The following NWD1 variants were observed in gnomAD, a reference collection of about 807,000 sequenced individuals.
NWD1 encodes the protein NACHT domain- and WD repeat-containing protein 1.
In NWD1, 129 loss-of-function variants were observed where a neutral mutation model predicts 135.1. The ratio of observed to expected loss-of-function variants is 0.96; its 90% CI spans 0.83 to 1.11. The LOEUF is 1.11. Ranked by LOEUF, NWD1 falls within the 50% of genes least tolerant of loss-of-function variation. NWD1 has a pLI of 0.00. For synonymous variants in NWD1, 773 were observed against 786.0 expected (o/e 0.98, Z 0.28); for missense variants, 1,740 against 1,851.3 (o/e 0.94, Z 1.10).
At chr19:16,754,613 T>A (rs1968714639) in intron 6 of NWD1, among the ~76,000 whole-genome samples, 1 of 150,778 alleles carries the variant, frequency 6.6e-6, no homozygotes, top group African/African-American at 2.4e-5. Context: ...CTTCCTTTTA[T>A]CCATCATCTC....
chr19:16,783,115 T>A (rs1326738054), intron 12 of NWD1, among the ~76,000 whole-genome samples: 2 of 151,650 alleles, frequency 1.3e-5, no homozygotes, highest in Non-Finnish European at 2.9e-5. Context: ...CACTACAATC[T>A]TGACATCCCA....
At chr19:16,726,136 AT>A (rs1967319889) in intron 2 of NWD1, among the ~76,000 whole-genome samples, 1 of 151,412 alleles carries the variant, frequency 6.6e-6, no homozygotes, top group Admixed American at 6.6e-5. Context: ...CTAATTTTGT[AT>A]TTTTAGAAGA....
rs770337959 is a variant in NWD1, at chr19:16,807,923, GGACTACCGCGTGGTCTACAGCAT to G, written c.4078_4100del (p.Tyr1360GlnfsTer41). On this transcript the variant is annotated frameshift_variant, in exon 18 of 19. Coordinates refer to ENST00000524140, the MANE Select transcript of NWD1 (RefSeq NM_001007525.5). LOFTEE classifies it high-confidence loss of function. ...CCCTCTCCAGCGTGGCCATTCTGAC[GGACTACCGCGTGGTCTACAGCAT>G]GACCAATGGGGACCTCTTTCTTTAC... The G allele has an allele frequency of 2.5e-6, 4 of 1,613,978 alleles. No individual in the cohort carries two copies. The highest frequency in any genetic ancestry group is 3.4e-6 in the Non-Finnish European group (4 of 1,180,024).
chr19:16,788,704 G>A (rs1424509285), intron 12 of NWD1, among the ~76,000 whole-genome samples: 1 of 152,088 alleles, frequency 6.6e-6, no homozygotes, highest in Non-Finnish European at 1.5e-5. Flanking sequence ...CTGTAAGGTT[G>A]CAGTAGCCTT....
intron 4 of NWD1, among the ~76,000 whole-genome samples, chr19:16,743,769 C>G (rs1245429923): frequency 6.6e-6 from 1 of 151,902 alleles, no homozygotes; most frequent in Non-Finnish European, 1.5e-5. Context: ...TGAAACCTCC[C>G]TCTCCCGGGT....
In NWD1 at chr19:16,731,210, A is replaced by T; in HGVS notation, c.13A>T (p.Lys5Ter). 1.3e-6 allele frequency: 2 copies of T among 1,532,108 alleles called. No individual in the cohort carries two copies. The highest frequency in any genetic ancestry group is 1.2e-5 in the South Asian group (1 of 83,962). The allele number at this position is 1,532,108 out of a possible 1,614,324, so 94.9% of individuals were successfully genotyped here. A position where few individuals can be genotyped will look rare whatever the true frequency, so the allele number is the denominator to read the frequency against. ...CTTGCAGATATGGATGCAGAGAGGGAAGCCCTGCAGAGCACTGCCTACCCT... is the reference window on the plus strand; with the variant it reads ...CTTGCAGATATGGATGCAGAGAGGGTAGCCCTGCAGAGCACTGCCTACCCT... MQRG[K>*]PCRALPTLKC... is the part of the protein sequence containing the mutation. The change falls in exon 3 of 19, where the codon AAG becomes TAG. Residue 5 changes from lysine to a stop codon, truncating the protein, a stop_gained. Coordinates refer to ENST00000524140, the MANE Select transcript of NWD1 (RefSeq NM_001007525.5). LOFTEE classifies it high-confidence loss of function.
intron 12 of NWD1, among the ~76,000 whole-genome samples, chr19:16,784,886 G>A (rs769518496): frequency 2.0e-5 from 3 of 151,346 alleles, no homozygotes; most frequent in Non-Finnish European, 2.9e-5. Flanking sequence ...CCGAGATCGC[G>A]CCACTGCACT....
intron 13 of NWD1, among the ~76,000 whole-genome samples, chr19:16,790,638 A>AATAAT (rs1555730371): frequency 1.8e-5 from 1 of 56,938 alleles, no homozygotes; most frequent in Non-Finnish European, 4.4e-5. Context: ...ACATTAAAAA[A>AATAAT]AAATAAATAA....
In NWD1 at chr19:16,815,084, A is replaced by T; in HGVS notation, c.*45A>T. ...TGTGGTAAACAGAATCATCCCAACC[A>T]CCAGTGGCTTCATTGCCCCCACCAG... On this transcript the variant is annotated 3_prime_UTR_variant, in exon 19 of 19. Coordinates refer to ENST00000524140, the MANE Select transcript of NWD1 (RefSeq NM_001007525.5). 1 of 1,601,966 alleles carries T rather than the reference A, an allele frequency of 6.2e-7. No homozygotes were observed. Among genetic ancestry groups the T allele is most frequent in the Non-Finnish European group, 8.6e-7 (1 of 1,169,054 alleles).
At chr19:16,724,080 T>C (rs1353260652) in intron 1 of NWD1, among the ~76,000 whole-genome samples, 1 of 152,166 alleles carries the variant, frequency 6.6e-6, no homozygotes, top group Non-Finnish European at 1.5e-5. Flanking sequence ...TGGCAGAGTC[T>C]GTCCTGGGTG....
At chr19:16,798,824 G>A (rs1270685295) in intron 16 of NWD1, among the ~76,000 whole-genome samples, 8 of 151,782 alleles carry the variant, frequency 5.3e-5, no homozygotes, top group African/African-American at 1.7e-4. Context: ...ACGGGGTTCC[G>A]CCATGTTGGC....
At chr19:16,772,670 AAAAC>A (rs1035010474) in intron 10 of NWD1, among the ~76,000 whole-genome samples, 5 of 152,060 alleles carry the variant, frequency 3.3e-5, no homozygotes, top group Non-Finnish European at 5.9e-5. Context: ...AAAATAAAAT[AAAAC>A]AAACAAATAA....
Position 16,809,559 on chromosome 19 carries a change from C to CTT in NWD1, c.4287+1435_4287+1436dup, listed in dbSNP as rs55774128. On this transcript the variant is annotated intron_variant, in intron 18 of 18. Transcript: ENST00000524140. ...TCTTTTTTTTTTTCTTTTTCTTTTT[C>CTT]TTTTTTTTTTTTTGAGATGGAGTCT... Among the ~76,000 whole-genome samples, 512 of 123,380 alleles carry CTT rather than the reference C, an allele frequency of 4.1e-3. 4 individuals carry two copies. The highest frequency in any genetic ancestry group is 0.015 in the African/African-American group (455 of 30,504). The allele number at this position is 123,380 out of a possible 152,430, so 80.9% of individuals were successfully genotyped here. A position where few individuals can be genotyped will look rare whatever the true frequency, so the allele number is the denominator to read the frequency against.
chr19:16,734,393 CA>C (rs1028456045), intron 3 of NWD1, among the ~76,000 whole-genome samples: 3 of 151,628 alleles, frequency 2.0e-5, no homozygotes, highest in Non-Finnish European at 4.4e-5. Flanking sequence ...CTAAAAAATG[CA>C]AAAAATTAGC....
intron 4 of NWD1, among the ~76,000 whole-genome samples, chr19:16,740,139 A>G (rs1260988369): frequency 3.3e-5 from 5 of 151,762 alleles, no homozygotes; most frequent in African/African-American, 9.7e-5. Flanking sequence ...TCTAAAAAAA[A>G]AAAAAGAACA....
At chr19:16,764,847 C>A (rs1475559769) in intron 9 of NWD1, among the ~76,000 whole-genome samples, 187 bp from the exon 10 acceptor site, 1 of 152,136 alleles carries the variant, frequency 6.6e-6, no homozygotes, top group Non-Finnish European at 1.5e-5. Context: ...GGGTGGAGGC[C>A]AGGGTTGCTG....
At position 16,794,790 on chromosome 19, in the gene NWD1, C is replaced by CT. The variant is rs199936999; in HGVS notation, c.3304+247dup. ...TAGACACTATTTTTCTATTATTTTT[C>CT]TTTTTTTTTTAAATAGGGTCTTGCT... On this transcript the variant is annotated intron_variant, in intron 15 of 18. Transcript: ENST00000524140. Among the ~76,000 whole-genome samples, 487 of 151,080 alleles carry CT rather than the reference C, an allele frequency of 3.2e-3. 3 individuals carry two copies. The highest frequency in any genetic ancestry group is 0.01 in the African/African-American group (431 of 41,354).
At chr19:16,753,119 G>A (rs1321728105) in intron 6 of NWD1, among the ~76,000 whole-genome samples, 1 of 152,186 alleles carries the variant, frequency 6.6e-6, no homozygotes, top group Non-Finnish European at 1.5e-5. Context: ...AAAAATCAGA[G>A]CAGCTTCTCC....
In NWD1 at chr19:16,779,590, T is replaced by C. The variant is rs557098665; in HGVS notation, c.2731+125T>C. On this transcript the variant is annotated intron_variant, in intron 12 of 18. Coordinates refer to ENST00000524140, the MANE Select transcript of NWD1 (RefSeq NM_001007525.5). Reference sequence around the variant, plus strand: ...GGCCTTTGTTCCTGCATCACTTAGCTATAGTTGCATAATGAACCATCCCCA... The same window carrying C: ...GGCCTTTGTTCCTGCATCACTTAGCCATAGTTGCATAATGAACCATCCCCA... The C allele has an allele frequency of 3.0e-5, 25 of 836,498 alleles. No individual in the cohort carries two copies. In the South Asian group the frequency reaches 3.8e-4, roughly 13 times the overall value. 51.8% of individuals were successfully genotyped at this position (836,498 alleles called of 1,614,324 possible). A position where few individuals can be genotyped will look rare whatever the true frequency, so the allele number is the denominator to read the frequency against.
Sources: gnomAD v4.1 joint callset for allele counts (sites outside exome capture counted in the v4.1 genomes callset) on GRCh38, gnomAD v4.1.1 for gene constraint, MANE v1.5 for transcripts, NCBI Gene and HGNC (gene_info 2026-07-23, HGNC 2026-07-21) for gene names.